PRSS12: variants seen among roughly 807,000 people sequenced by gnomAD.
PRSS12 encodes the protein neurotrypsin.
PRSS12 carries 85 observed loss-of-function variants against 104.4 expected under a neutral mutation model. The ratio of observed to expected loss-of-function variants is 0.81; its 90% confidence interval spans 0.68 to 0.98. The LOEUF (loss-of-function observed/expected upper bound fraction) is 0.98. Ranked by LOEUF, PRSS12 falls within the 50% of genes least tolerant of loss-of-function variation. The pLI, the probability that PRSS12 is intolerant of heterozygous loss-of-function variation, is 0.00. For missense variants in PRSS12, 1,141 were observed against 1,139.2 expected, an observed-to-expected ratio of 1.00 and a Z score of -0.02; for synonymous variants, 454 against 425.2, an observed-to-expected ratio of 1.07 and a Z score of -0.83.
chr4:118,352,863 C>T lies in PRSS12; in HGVS notation c.-143G>A, dbSNP rs1424264774. On this transcript the variant is annotated 5_prime_UTR_variant, in exon 1 of 13. Transcript: ENST00000296498. ...CCCCGCACGCGGACCGCCCTCGCCT[C>T]CCCAACCTTGCCTCCCGCCGCTGGT... 1.1e-4 allele frequency: 165 copies of T among 1,445,890 alleles called. No individual in the cohort carries two copies. Among genetic ancestry groups the T allele is most frequent in the South Asian group, 1.8e-4 (13 of 71,582 alleles). The allele number at this position is 1,445,890 out of a possible 1,614,324, so 89.6% of individuals were successfully genotyped here.
At chr4:118,287,470 A>G (rs1453731199) in intron 11 of PRSS12, among the ~76,000 whole-genome samples, 1 of 152,152 alleles carries the variant, frequency 6.6e-6, no homozygotes, top group Non-Finnish European at 1.5e-5. Context: ...AAGTTGTCCT[A>G]ATTTAGGGAA....
intron 3 of PRSS12, among the ~76,000 whole-genome samples, chr4:118,334,513 G>C (rs1724012642): frequency 6.6e-6 from 1 of 151,906 alleles, no homozygotes; most frequent in African/African-American, 2.4e-5. Flanking sequence ...AAGAAGAAAA[G>C]GGAAAACTTA....
chr4:118,350,133 G>A (rs1049530298), intron 1 of PRSS12, among the ~76,000 whole-genome samples: 5 of 152,162 alleles, frequency 3.3e-5, no homozygotes, highest in African/African-American at 7.2e-5. Context: ...GTTGTTTTGC[G>A]TACATGCTCA....
Position 118,298,880 on chromosome 4 carries a change from C to T in PRSS12, c.1690G>A (p.Val564Met). ...YFGEGKGPIHVDNVKCTGNER... is the reference protein window; with the variant it reads ...YFGEGKGPIHMDNVKCTGNER... ...TTTCCTGTGCACTTCACATTATCCA[C>T]ATGGATGGGTCCTTTTCCTTCTCCA... Residue 564 changes from valine (V) to methionine (M), a missense_variant, in exon 9 of 13, where the codon GTG (valine) becomes ATG (methionine). Val to Met is a conservative substitution (Grantham distance 21). Transcript: ENST00000296498. 1 of 1,614,178 alleles carries T rather than the reference C, an allele frequency of 6.2e-7. No individual in the cohort carries two copies. Among genetic ancestry groups the T allele is most frequent in the Non-Finnish European group, 8.5e-7 (1 of 1,180,034 alleles).
Position 118,341,424 on chromosome 4 carries a change from T to G in PRSS12, c.503-3110A>C, listed in dbSNP as rs183982272. ...ATGGCTGGACACAGTGGCTCACGCC[T>G]GTAATCCCAGCACTTTGGGAGGCCG... On this transcript the variant is annotated intron_variant, in intron 1 of 12. Coordinates refer to ENST00000296498, the MANE Select transcript of PRSS12 (RefSeq NM_003619.4). Among the ~76,000 whole-genome samples the G allele has an allele frequency of 6.8e-3, 1,035 of 152,324 alleles. 13 individuals are homozygous for G. The highest frequency in any genetic ancestry group is 0.023 in the African/African-American group (949 of 41,560).
chr4:118,291,409 A>G (rs767746528), intron 11 of PRSS12, among the ~76,000 whole-genome samples: 7 of 152,156 alleles, frequency 4.6e-5, no homozygotes, highest in Non-Finnish European at 7.4e-5. Context: ...AACAGAACTC[A>G]CTTTTCCTCC....
chr4:118,324,091 G>T (rs34548184), intron 4 of PRSS12, among the ~76,000 whole-genome samples: 1 of 151,814 alleles, frequency 6.6e-6, no homozygotes, highest in Non-Finnish European at 1.5e-5. Context: ...GCAAAGATAG[G>T]GTTTCTCCAT....
intron 4 of PRSS12, among the ~76,000 whole-genome samples, chr4:118,318,991 C>T (rs966435010): frequency 1.2e-4 from 18 of 152,160 alleles, no homozygotes; most frequent in African/African-American, 4.1e-4. Flanking sequence ...TCACTACCAT[C>T]CATCTCCAGA....
chr4:118,321,573 A>G (rs569382884), intron 4 of PRSS12, among the ~76,000 whole-genome samples: 1 of 152,198 alleles, frequency 6.6e-6, no homozygotes, highest in African/African-American at 2.4e-5. Flanking sequence ...AAACTGATGC[A>G]AAGTAGGAGC....
At chr4:118,329,102 A>T (rs975206719) in intron 4 of PRSS12, among the ~76,000 whole-genome samples, 3 of 151,980 alleles carry the variant, frequency 2.0e-5, no homozygotes, top group Non-Finnish European at 4.4e-5. Context: ...TATTTAAAAA[A>T]ATTTTTTTGT....
chr4:118,291,364 T>A (rs946319693), intron 11 of PRSS12, among the ~76,000 whole-genome samples: 1 of 152,220 alleles, frequency 6.6e-6, no homozygotes, highest in East Asian at 1.9e-4. Context: ...TACCTTCACA[T>A]GAACCTAAGC....
chr4:118,347,076 C>G (rs1477263161), intron 1 of PRSS12, among the ~76,000 whole-genome samples: 1 of 149,672 alleles, frequency 6.7e-6, no homozygotes, highest in Non-Finnish European at 1.5e-5. Context: ...ATTGTCTTCT[C>G]TAAAAAAAAA....
intron 7 of PRSS12, among the ~76,000 whole-genome samples, chr4:118,311,296 C>T (rs746205356): frequency 6.6e-6 from 1 of 152,064 alleles, no homozygotes; most frequent in Non-Finnish European, 1.5e-5. Flanking sequence ...GAGCATTTCA[C>T]CTACCACAGA....
intron 9 of PRSS12, among the ~76,000 whole-genome samples, chr4:118,297,483 T>C (rs553266611): frequency 6.6e-6 from 1 of 151,832 alleles, no homozygotes; most frequent in Admixed American, 6.6e-5. Flanking sequence ...ATCATTCACA[T>C]ATATACATAT....
intron 4 of PRSS12, among the ~76,000 whole-genome samples, chr4:118,319,392 G>A (rs1723548054): frequency 1.3e-5 from 2 of 152,068 alleles, no homozygotes; most frequent in South Asian, 4.2e-4. Flanking sequence ...GTGATATTTA[G>A]GTGGAAGTAC....
chr4:118,287,207 C>T (rs35875491), intron 11 of PRSS12, among the ~76,000 whole-genome samples: 9,196 of 152,088 alleles, frequency 0.06, 381 homozygotes, highest in Non-Finnish European at 0.091. Flanking sequence ...CGCAGTGGTG[C>T]GATCACGGCT....
chr4:118,281,643 A>C lies in PRSS12; in HGVS notation c.*293T>G, dbSNP rs1190814330. ...CAAATGTAAAAATGATCTTTTGTAAAATCAGCATAGAATGATTTTGAGAAA... is the reference window on the plus strand; with the variant it reads ...CAAATGTAAAAATGATCTTTTGTAACATCAGCATAGAATGATTTTGAGAAA... On this transcript the variant is annotated 3_prime_UTR_variant, in exon 13 of 13. Transcript: ENST00000296498. 1 of 434,782 alleles carries C rather than the reference A, an allele frequency of 2.3e-6. No homozygotes were observed. The highest frequency in any genetic ancestry group is 4.3e-6 in the Non-Finnish European group (1 of 234,974). The allele number at this position is 434,782 out of a possible 1,614,324, so 26.9% of individuals were successfully genotyped here. A position where few individuals can be genotyped will look rare whatever the true frequency, so the allele number is the denominator to read the frequency against.
At chr4:118,336,795 A>G (rs1267404162) in intron 2 of PRSS12, among the ~76,000 whole-genome samples, 5 of 152,210 alleles carry the variant, frequency 3.3e-5, no homozygotes, top group Admixed American at 3.3e-4. Context: ...TATGTATATA[A>G]AGGAAGACAT....
chr4:118,324,982 C>T lies in PRSS12; in HGVS notation c.972-6426G>A, dbSNP rs544362983. Among the ~76,000 whole-genome samples, 4 of 152,146 alleles carry T rather than the reference C, an allele frequency of 2.6e-5. No homozygotes were observed. In the South Asian group the frequency reaches 6.2e-4, roughly 24 times the overall value. On this transcript the variant is annotated intron_variant, in intron 4 of 12. Transcript: ENST00000296498. ...CCTCAGCCTCCCAAAGGATTACAGG[C>T]GTGAGCCACCACGCCCAGCCCAGTT...
Sources: gnomAD v4.1 joint callset for allele counts (sites outside exome capture counted in the v4.1 genomes callset) on GRCh38, gnomAD v4.1.1 for gene constraint, MANE v1.5 for transcripts, NCBI Gene and HGNC (gene_info 2026-07-23, HGNC 2026-07-21) for gene names.